The following SEC14L1 variants were observed in gnomAD, a reference collection of about 807,000 sequenced individuals.
The protein encoded by SEC14L1 is SEC14-like protein 1.
SEC14L1 carries 48 observed loss-of-function variants against 85.3 expected under a neutral mutation model. The observed-to-expected ratio is 0.56, with a 90% CI of 0.45 to 0.72. SEC14L1 has a LOEUF of 0.72. Among genes scored for constraint, SEC14L1 ranks in the 30% least tolerant of loss-of-function variants. SEC14L1 has a pLI of 0.00. For missense variants in SEC14L1, 682 were observed against 921.4 expected (o/e 0.74, Z 3.36); for synonymous variants, 391 against 355.5 (o/e 1.10, Z -1.12).
At chr17:77,121,994 A>G (rs117821382) in intron 3 of SEC14L1, among the ~76,000 whole-genome samples, 1,690 of 152,336 alleles carry the variant, frequency 0.011, 35 homozygotes, top group Admixed American at 0.043. Context: ...GTAAACATGC[A>G]TTAGTCAGCA....
At position 77,206,808 on chromosome 17, in the gene SEC14L1, G is replaced by A; in HGVS notation, c.1422G>A (p.Leu474=). The A allele has an allele frequency of 1.2e-6, 2 of 1,612,600 alleles. No homozygotes were observed. The highest frequency in any genetic ancestry group is 2.2e-5 in the South Asian group (2 of 90,770). Residue 474 remains leucine (L), a synonymous_variant, in exon 13 of 17, where the codon CTG becomes CTA. Coordinates refer to ENST00000436233, the MANE Select transcript of SEC14L1 (RefSeq NM_001143998.2). The surrounding 1 kb of genome is among the most constrained non-coding windows in gnomAD (Gnocchi z 4.3). ...ATGACTACCAGGGTCCTGGAGGCCTGCTGGATTACATCGACAAAGAGATTA... is the reference window on the plus strand; with the variant it reads ...ATGACTACCAGGGTCCTGGAGGCCTACTGGATTACATCGACAAAGAGATTA... ...AGNDYQGPGG[L]LDYIDKEIIP... is the part of the protein sequence containing the mutation.
At position 77,215,568 on chromosome 17, in the gene SEC14L1, C is replaced by T. The variant is rs1198876730; in HGVS notation, c.*1545C>T. On this transcript the variant is annotated 3_prime_UTR_variant, in exon 17 of 17. Transcript: ENST00000436233. ...GGAGGGACCGAGCAGCCCTCTTGCCCGGTCGGGTCAGCCCTAGTGGCTGCC... is the reference window on the plus strand; with the variant it reads ...GGAGGGACCGAGCAGCCCTCTTGCCTGGTCGGGTCAGCCCTAGTGGCTGCC... 11 of 986,614 alleles carry T rather than the reference C, an allele frequency of 1.1e-5. No individual in the cohort carries two copies. In the South Asian group the frequency reaches 2.8e-4, roughly 25 times the overall value. The allele number at this position is 986,614 out of a possible 1,614,324, so 61.1% of individuals were successfully genotyped here.
intron 3 of SEC14L1, among the ~76,000 whole-genome samples, chr17:77,163,323 C>G (rs769764691): frequency 6.6e-6 from 1 of 151,828 alleles, no homozygotes; most frequent in Non-Finnish European, 1.5e-5. Context: ...CCAAAGTGAC[C>G]TGCTGTAACT....
intron 7 of SEC14L1, among the ~76,000 whole-genome samples, chr17:77,195,962 C>G (rs1320079652): frequency 6.6e-6 from 1 of 152,104 alleles, no homozygotes; most frequent in Non-Finnish European, 1.5e-5. Context: ...ATAGAGGTAA[C>G]TCAGTGGTAA....
chr17:77,091,507 C>G (rs956045513), intron 2 of SEC14L1, among the ~76,000 whole-genome samples: 11 of 152,226 alleles, frequency 7.2e-5, no homozygotes, highest in Admixed American at 3.9e-4. Context: ...TGGAAATGGC[C>G]TATCTGACCA....
intron 3 of SEC14L1, among the ~76,000 whole-genome samples, chr17:77,150,633 G>A (rs550538421): frequency 1.4e-3 from 219 of 152,306 alleles, no homozygotes; most frequent in Middle Eastern, 3.4e-3. Flanking sequence ...CAGGGCCTCC[G>A]TGGAGTGCGA....
chr17:77,130,220 G>A (rs1317840249), intron 3 of SEC14L1: 1 of 152,148 alleles, frequency 6.6e-6, no homozygotes, highest in Non-Finnish European at 1.5e-5. Flanking sequence ...GTGCCAGTGT[G>A]GGGTGGAGGG....
At chr17:77,207,601 G>A (rs55725735) in intron 13 of SEC14L1, among the ~76,000 whole-genome samples, 7,973 of 152,046 alleles carry the variant, frequency 0.052, 317 homozygotes, top group Admixed American at 0.12. Flanking sequence ...ACAGGCATGC[G>A]CCACTACCCA....
intron 3 of SEC14L1, among the ~76,000 whole-genome samples, chr17:77,154,648 G>GTTTTTT (rs1169954219): frequency 1.2e-4 from 10 of 81,820 alleles, no homozygotes; most frequent in Non-Finnish European, 2.0e-4. Context: ...TTTTTTTTTG[G>GTTTTTT]TTTTTTTTTA....
At chr17:77,209,247 G>T in intron 13 of SEC14L1, 95 bp from the exon 14 acceptor site, 1 of 1,454,972 alleles carries the variant, frequency 6.9e-7, no homozygotes, top group Non-Finnish European at 9.4e-7. Context: ...ACCTCCAGAA[G>T]TTGAGTGCAG....
At position 77,215,429 on chromosome 17, in the gene SEC14L1, G is replaced by A; in HGVS notation, c.*1406G>A. ...TGTCAACTGTGTGCGTGGTAGGCAT[G>A]GAGATCCTGGTTGTGCCGTCTCAGC... On this transcript the variant is annotated 3_prime_UTR_variant, in exon 17 of 17. Transcript: ENST00000436233. 1 of 985,582 alleles carries A rather than the reference G, an allele frequency of 1.0e-6. No individual in the cohort carries two copies. Among genetic ancestry groups the A allele is most frequent in the Non-Finnish European group, 1.2e-6 (1 of 830,016 alleles). The allele number at this position is 985,582 out of a possible 1,614,324, so 61.1% of individuals were successfully genotyped here.
At position 77,214,527 on chromosome 17, in the gene SEC14L1, G is replaced by C; in HGVS notation, c.*504G>C. On this transcript the variant is annotated 3_prime_UTR_variant, in exon 17 of 17. Transcript: ENST00000436233. Reference sequence around the variant, plus strand: ...CCAGTCAAGATGGTCTGTGGACTTAGGGCCAGCCCTTGAGGTCCTTATCCT... The same window carrying C: ...CCAGTCAAGATGGTCTGTGGACTTACGGCCAGCCCTTGAGGTCCTTATCCT... The C allele has an allele frequency of 1.0e-6, 1 of 995,762 alleles. No individual in the cohort carries two copies. Among genetic ancestry groups the C allele is most frequent in the Non-Finnish European group, 1.2e-6 (1 of 835,656 alleles). The allele number at this position is 995,762 out of a possible 1,614,324, so 61.7% of individuals were successfully genotyped here.
At chr17:77,140,533 G>A (rs1972949281), upstream of SEC14L1, among the ~76,000 whole-genome samples, 1 of 152,264 alleles carries the variant, frequency 6.6e-6, no homozygotes, top group Non-Finnish European at 1.5e-5. Flanking sequence ...CAGAGCAGCA[G>A]CCATACGGGA....
chr17:77,105,479 T>C (rs371311735), intron 3 of SEC14L1, among the ~76,000 whole-genome samples: 5 of 149,828 alleles, frequency 3.3e-5, no homozygotes, highest in East Asian at 2.0e-4. Context: ...CCACCCTCTT[T>C]CCATGATATA....
At chr17:77,162,011 A>G (rs1269793874) in intron 3 of SEC14L1, among the ~76,000 whole-genome samples, 1 of 149,476 alleles carries the variant, frequency 6.7e-6, no homozygotes, top group Non-Finnish European at 1.5e-5. Flanking sequence ...GCTCTGCTAC[A>G]TACAAATCCC....
chr17:77,188,317 A>T (rs1458742288), intron 3 of SEC14L1, among the ~76,000 whole-genome samples: 1 of 151,454 alleles, frequency 6.6e-6, no homozygotes, highest in East Asian at 1.9e-4. Context: ...CCCCTTCCTT[A>T]GCCCCGGCAA....
chr17:77,146,435 TTCAC>T (rs1173957521), intron 3 of SEC14L1, among the ~76,000 whole-genome samples: 2 of 152,214 alleles, frequency 1.3e-5, no homozygotes, highest in Non-Finnish European at 1.5e-5. Context: ...TTTCCCTTAC[TTCAC>T]TATTTTCAAA....
intron 3 of SEC14L1, among the ~76,000 whole-genome samples, chr17:77,104,834 G>C (rs912049522): frequency 2.0e-5 from 3 of 150,396 alleles, no homozygotes; most frequent in African/African-American, 7.3e-5. Context: ...GTGTGTGTGT[G>C]TCAAGGTTGA....
At chr17:77,171,492 A>G (rs1453247834) in intron 3 of SEC14L1, among the ~76,000 whole-genome samples, 1 of 152,198 alleles carries the variant, frequency 6.6e-6, no homozygotes, top group Non-Finnish European at 1.5e-5. Context: ...TAAAGGAAAG[A>G]TTTCTTTGAT....
Sources: gnomAD v4.1 joint callset for allele counts (sites outside exome capture counted in the v4.1 genomes callset) on GRCh38, gnomAD v4.1.1 for gene constraint, Gnocchi (gnomAD v3.1) non-coding constraint, MANE v1.5 for transcripts, NCBI Gene and HGNC (gene_info 2026-07-23, HGNC 2026-07-21) for gene names.